The following SRRM2 variants were observed in gnomAD, a reference collection of about 807,000 sequenced individuals.
SRRM2 encodes serine/arginine repetitive matrix 2, also known as serine/arginine repetitive matrix protein 2.
In SRRM2, 30 loss-of-function variants were observed where a neutral mutation model predicts 213.8. The ratio of observed to expected loss-of-function variants is 0.14; its 90% confidence interval spans 0.10 to 0.19. SRRM2 has a LOEUF of 0.19. Ranked by LOEUF, SRRM2 falls within the 10% of genes least tolerant of loss-of-function variation. SRRM2 has a pLI of 1.00. For synonymous variants in SRRM2, 2,025 were observed against 1,377.7 expected (o/e 1.47, Z -10.40); for missense variants, 4,904 against 3,647.0 (o/e 1.34, Z -8.88).
intron 4 of SRRM2, 130 bp downstream of exon 4, chr16:2,758,075 C>A: frequency 8.2e-7 from 1 of 1,216,212 alleles, no homozygotes; most frequent in Non-Finnish European, 1.1e-6. Context: ...TTGAGGTGTC[C>A]AAAAAAATGT....
Position 2,759,181 on chromosome 16 carries a change from T to G in SRRM2, c.689+9T>G, listed in dbSNP as rs761236436. ...AAGAAACGTAAGCATAGGTAAGAGC[T>G]CTTTAACTCATAGGGGGCGCAGTGG... is the stretch of plus-strand genomic sequence containing the variant. On this transcript the variant is annotated intron_variant, in intron 7 of 14. Transcript: ENST00000301740. The G allele has an allele frequency of 1.2e-6, 2 of 1,614,032 alleles. No homozygotes were observed. Among genetic ancestry groups the G allele is most frequent in the Admixed American group, 3.3e-5 (2 of 59,994 alleles).
Position 2,765,318 on chromosome 16 carries a change from G to A in SRRM2, c.4790G>A (p.Arg1597Lys). 6.2e-7 allele frequency: 1 copy of A among 1,614,104 alleles called. No homozygotes were observed. The highest frequency in any genetic ancestry group is 8.5e-7 in the Non-Finnish European group (1 of 1,180,016). The change falls in exon 11 of 15, where the codon AGG becomes AAG. Residue 1597 changes from arginine to lysine, a missense_variant. Coordinates refer to ENST00000301740, the MANE Select transcript of SRRM2 (RefSeq NM_016333.4). ...SKSRLSPRRS[R>K]SGSSPEVKDK... ...TCTCGACTATCCCCTCGGCGCAGTA[G>A]GTCTGGTTCCTCCCCTGAAGTGAAA...
At position 2,765,849 on chromosome 16, in the gene SRRM2, G is replaced by C. The variant is rs756959617; in HGVS notation, c.5321G>C (p.Arg1774Pro). 6.2e-7 allele frequency: 1 copy of C among 1,614,026 alleles called. No individual in the cohort carries two copies. Among genetic ancestry groups the C allele is most frequent in the South Asian group, 1.1e-5 (1 of 91,064 alleles). Residue 1774 changes from arginine (R) to proline (P), a missense_variant, in exon 11 of 15, where the codon CGT (arginine) becomes CCT (proline). Coordinates refer to ENST00000301740, the MANE Select transcript of SRRM2 (RefSeq NM_016333.4). The part of the protein sequence containing the change: ...SPKPRGLQRS[R>P]SRSRREKTRT... ...AAGCCTCGTGGACTCCAGAGGTCCC[G>C]TTCCCGCTCAAGGAGAGAGAAAACA...
rs1025685470 is a variant in SRRM2 at position 2,771,145 on chromosome 16, C to CA, written c.*279dup. The CA allele has an allele frequency of 1.1e-5, 7 of 622,530 alleles. No individual in the cohort carries two copies. The highest frequency in any genetic ancestry group is 9.2e-5 in the African/African-American group (5 of 54,122). 38.6% of individuals were successfully genotyped at this position (622,530 alleles called of 1,614,324 possible). A position where few individuals can be genotyped will look rare whatever the true frequency, so the allele number is the denominator to read the frequency against. ...GGGGAGGATACAGTTCAGGATACCC[C>CA]AGCCTGGAGTCAGGGCCAGGGAGGC... On this transcript the variant is annotated 3_prime_UTR_variant, in exon 15 of 15. Transcript: ENST00000301740.
chr16:2,767,117 C>A lies in SRRM2; in HGVS notation c.6589C>A (p.Pro2197Thr), dbSNP rs748391558. ...CAGTCTTGGCACCGCTCGGCCTCCT[C>A]CGTCCATGTCTGCTGCTGGCCTTGC... ...AISLGTARPP[P>T]SMSAAGLAAR... The change falls in exon 11 of 15, where the codon CCG (proline) becomes ACG (threonine). Residue 2197 changes from proline to threonine, a missense_variant. Coordinates refer to ENST00000301740, the MANE Select transcript of SRRM2 (RefSeq NM_016333.4). The A allele has an allele frequency of 6.2e-6, 10 of 1,614,228 alleles. No homozygotes were observed. The East Asian group carries it at 1.3e-4, about 22-fold the overall frequency.
Position 2,770,511 on chromosome 16 carries a change from C to G in SRRM2, c.8135+46C>G. The G allele has an allele frequency of 1.9e-6, 3 of 1,571,476 alleles. No homozygotes were observed. In the Middle Eastern group the frequency reaches 5.0e-4, roughly 261 times the overall value. On this transcript the variant is annotated intron_variant, in intron 13 of 14. Coordinates refer to ENST00000301740, the MANE Select transcript of SRRM2 (RefSeq NM_016333.4). ...CAGCACCCAGCCTGTCTGGCCGCCA[C>G]TGCTTTCTACAAAGAAGAAAGCTTT... is the stretch of plus-strand genomic sequence containing the variant.
chr16:2,764,762 A>G lies in SRRM2; in HGVS notation c.4234A>G (p.Arg1412Gly). 6.2e-7 allele frequency: 1 copy of G among 1,614,232 alleles called. No individual in the cohort carries two copies. The highest frequency in any genetic ancestry group is 8.5e-7 in the Non-Finnish European group (1 of 1,180,036). The change falls in exon 11 of 15, where the codon AGA (arginine) becomes GGA (glycine). Residue 1412 changes from arginine (R) to glycine (G), a missense_variant. Transcript: ENST00000301740. ...TTCACCTGTGCTTGATGCTGTACCC[A>G]GAACACCCTCGAGAGAAAGAAGTAG... ...ISSPVLDAVP[R>G]TPSRERSSSA... is the part of the protein sequence containing the mutation.
rs151100831 is a variant in SRRM2, at chr16:2,766,223, C to A, written c.5695C>A (p.Arg1899=). ...TCGAACTTCACCAGTCAGCCGGAGA[C>A]GGTCAAGGTCCAGGACTTCAGTGAC... ...RSRTSPVSRR[R]SRSRTSVTRR... Residue 1899 remains arginine, a synonymous_variant, in exon 11 of 15, where the codon CGG becomes AGG. Transcript: ENST00000301740. This position sits in a 1 kb window ranked among gnomAD's most constrained non-coding sequence, Gnocchi z 7.0. 1.1e-3 allele frequency: 1,715 copies of A among 1,614,174 alleles called. 1 individual carries two copies. Among genetic ancestry groups the A allele is most frequent in the Non-Finnish European group, 1.3e-3 (1,555 of 1,180,040 alleles).
chr16:2,757,384 G>A, intron 2 of SRRM2, 88 bp from the exon 3 acceptor site: 1 of 1,193,736 alleles, frequency 8.4e-7, no homozygotes, highest in South Asian at 1.3e-5. Flanking sequence ...GGAGAGGGAG[G>A]GGCCCCTTTT....
At position 2,767,941 on chromosome 16, in the gene SRRM2, G is replaced by A; in HGVS notation, c.7413G>A (p.Gly2471=). 3 of 1,614,142 alleles carry A rather than the reference G, an allele frequency of 1.9e-6. No homozygotes were observed. The South Asian group carries it at 3.3e-5, about 18-fold the overall frequency. The change falls in exon 11 of 15, where the codon GGG becomes GGA. Residue 2471 remains glycine, a synonymous_variant. Coordinates refer to ENST00000301740, the MANE Select transcript of SRRM2 (RefSeq NM_016333.4). The part of the protein sequence containing the change: ...CLIAQTTPVA[G]SQSLSSGAVA... The stretch of plus-strand genomic sequence containing the variant: ...TTGCCCAGACCACCCCTGTAGCAGG[G>A]TCTCAGTCCCTTTCCTCTGGGGCAG...
At chr16:2,761,391 T>C (rs902861936) in intron 10 of SRRM2, among the ~76,000 whole-genome samples, 170 bp from the exon 11 acceptor site, 1 of 152,222 alleles carries the variant, frequency 6.6e-6, no homozygotes, top group East Asian at 1.9e-4. Flanking sequence ...ATTCATATGT[T>C]TTCACCACTG....
In SRRM2 at chr16:2,770,380, TC is replaced by T; in HGVS notation, c.8053del (p.Leu2685SerfsTer60). Reference sequence around the variant, plus strand: ...CCGCAGCCCCCGGAAGCCAATAGACTCCCTCAGGGACTCTCGGTCCCTCAGC... The same window carrying T: ...CCGCAGCCCCCGGAAGCCAATAGACTCCTCAGGGACTCTCGGTCCCTCAGC... ...RSRSPRKPID[S>X]LRDSRSLSYS... On this transcript the variant is annotated frameshift_variant, in exon 13 of 15. Transcript: ENST00000301740. LOFTEE classifies it high-confidence loss of function. The T allele has an allele frequency of 6.2e-7, 1 of 1,607,784 alleles. No individual in the cohort carries two copies. The highest frequency in any genetic ancestry group is 1.1e-5 in the South Asian group (1 of 89,678).
At chr16:2,769,643 C>T in intron 12 of SRRM2, 1 of 560,360 alleles carries the variant, frequency 1.8e-6, no homozygotes, top group East Asian at 4.3e-5. Flanking sequence ...TCCCTGTCTC[C>T]CCGTCTCCAC....
intron 2 of SRRM2, 147 bp from the exon 3 acceptor site, chr16:2,757,325 G>T (rs2068179596): frequency 1.6e-6 from 1 of 632,120 alleles, no homozygotes; most frequent in Non-Finnish European, 2.8e-6. Flanking sequence ...GATGGGAAAA[G>T]ATCAGACAGA....
chr16:2,759,733 C>A, intron 9 of SRRM2, 72 bp downstream of exon 9: 1 of 1,429,626 alleles, frequency 7.0e-7, no homozygotes, highest in Non-Finnish European at 9.7e-7. Context: ...TATTGAGCGC[C>A]CACGGTGTGC....
rs774504105 is a variant in SRRM2, at chr16:2,757,866, G to A, written c.436G>A (p.Val146Ile). The change falls in exon 4 of 15, where the codon GTA becomes ATA. Residue 146 changes from valine (V) to isoleucine (I), a missense_variant. Physicochemically the swap from Val to Ile is conservative, Grantham distance 29. Transcript: ENST00000301740. ...RAAFGISDSYVDGSSFDPQRR... is the reference protein window; with the variant it reads ...RAAFGISDSYIDGSSFDPQRR... ...TGCCTTTGGCATCAGTGATTCTTAC[G>A]TAGATGGCAGCTCTTTTGATCCTCA... The A allele has an allele frequency of 7.2e-5, 117 of 1,614,024 alleles. No homozygotes were observed. Among genetic ancestry groups the A allele is most frequent in the Non-Finnish European group, 8.8e-5 (104 of 1,180,030 alleles).
intron 12 of SRRM2, chr16:2,770,029 C>A (rs373896755): frequency 2.6e-6 from 2 of 762,288 alleles, no homozygotes; most frequent in Non-Finnish European, 3.9e-6. Flanking sequence ...TGCCCCATGT[C>A]CCCCTCCCTT....
At position 2,764,402 on chromosome 16, in the gene SRRM2, T is replaced by C. The variant is rs148506290; in HGVS notation, c.3874T>C (p.Ser1292Pro). The C allele has an allele frequency of 2.5e-6, 4 of 1,613,230 alleles. No individual in the cohort carries two copies. The highest frequency in any genetic ancestry group is 1.6e-4 in the Middle Eastern group (1 of 6,082). The change falls in exon 11 of 15, where the codon TCT becomes CCT. Residue 1292 changes from serine to proline, a missense_variant. Physicochemically the swap from Ser to Pro is moderately conservative, Grantham distance 74 (BLOSUM62 -1). Coordinates refer to ENST00000301740, the MANE Select transcript of SRRM2 (RefSeq NM_016333.4). ...LTLDQSQSQA[S>P]LEAVEVPSMA... ...TCTTGATCAGAGCCAGTCACAGGCT[T>C]CTTTGGAAGCAGTAGAAGTCCCTTC...
intron 6 of SRRM2, 37 bp from the exon 7 acceptor site, chr16:2,759,103 G>T: frequency 6.2e-7 from 1 of 1,614,150 alleles, no homozygotes; most frequent in Non-Finnish European, 8.5e-7. Flanking sequence ...TCAGGCAGAG[G>T]TGTTTCTTAT....
Sources: gnomAD v4.1 joint callset for allele counts (sites outside exome capture counted in the v4.1 genomes callset) on GRCh38, gnomAD v4.1.1 for gene constraint, Gnocchi (gnomAD v3.1) non-coding constraint, MANE v1.5 for transcripts, NCBI Gene and HGNC (gene_info 2026-07-23, HGNC 2026-07-21) for gene names.